The following MROH2B variants were observed in gnomAD, a reference collection of about 807,000 sequenced individuals.
MROH2B encodes the protein maestro heat like repeat family member 2B.
Under a neutral mutation model 208.6 loss-of-function variants are expected in MROH2B, and 177 were observed. The observed-to-expected ratio is 0.85, with a 90% CI of 0.75 to 0.96. MROH2B has a LOEUF of 0.96. Among genes scored for constraint, MROH2B ranks in the 40% least tolerant of loss-of-function variants. The probability of loss-of-function intolerance (pLI) is 0.00; values close to 1 mark genes in which losing one functional copy is unlikely to be tolerated. For missense variants in MROH2B, 2,002 were observed against 1,878.7 expected, an observed-to-expected ratio of 1.07 and a Z score of -1.21; for synonymous variants, 728 against 659.0, an observed-to-expected ratio of 1.10 and a Z score of -1.60.
At chr5:41,016,082 C>T (rs565480865) in intron 28 of MROH2B, among the ~76,000 whole-genome samples, 10 of 152,302 alleles carry the variant, frequency 6.6e-5, no homozygotes, top group Admixed American at 6.5e-5. Flanking sequence ...CCCAGTGGGA[C>T]ACACGTGGAC....
chr5:41,055,251 A>T (rs1179237889), intron 10 of MROH2B, among the ~76,000 whole-genome samples: 1 of 152,212 alleles, frequency 6.6e-6, no homozygotes, highest in Non-Finnish European at 1.5e-5. Flanking sequence ...CACCAATTTT[A>T]TCATGCACCA....
intron 24 of MROH2B, among the ~76,000 whole-genome samples, chr5:41,031,131 T>C (rs1487300271): frequency 6.6e-6 from 1 of 152,020 alleles, no homozygotes; most frequent in Non-Finnish European, 1.5e-5. Context: ...CGAGACTAGG[T>C]AATTTATAAA....
intron 1 of MROH2B, among the ~76,000 whole-genome samples, chr5:41,069,977 G>T (rs1743935797): frequency 6.6e-6 from 1 of 152,144 alleles, no homozygotes; most frequent in South Asian, 2.1e-4. Context: ...AATCAAATGT[G>T]AAAGGGAAGA....
rs1741834494 is a variant in MROH2B, at chr5:41,013,352, TAGC to T, written c.2983-620_2983-618del. Among the ~76,000 whole-genome samples the T allele has an allele frequency of 4.6e-5, 7 of 152,300 alleles. No homozygotes were observed. In the South Asian group the frequency reaches 1.5e-3, roughly 32 times the overall value. On this transcript the variant is annotated intron_variant, in intron 29 of 41. Transcript: ENST00000399564. ...AGAAGTATACAGAATGCTTGGTCGA[TAGC>T]AGTGTGTGAATTTGAGTGTGTATGT...
intron 14 of MROH2B, 55 bp from the exon 15 acceptor site, chr5:41,049,196 G>A: frequency 6.2e-7 from 1 of 1,606,306 alleles, no homozygotes. Flanking sequence ...ATTGGGGTTG[G>A]GTTTAAGGTC....
intron 6 of MROH2B, among the ~76,000 whole-genome samples, chr5:41,059,627 T>C (rs892647165): frequency 1.6e-4 from 24 of 152,230 alleles, no homozygotes; most frequent in Admixed American, 1.6e-3. Context: ...TGGACACTTG[T>C]CAAGATTTTT....
chr5:41,064,581 A>G lies in MROH2B; in HGVS notation c.362-11T>C, dbSNP rs756102687. On this transcript the variant is annotated splice_polypyrimidine_tract_variant and intron_variant, in intron 4 of 41. Coordinates refer to ENST00000399564, the MANE Select transcript of MROH2B (RefSeq NM_173489.5). ...GAATACTCTGGGACACTGGAGGGAG[A>G]GGCAGAAAGGAGACAAGTGTTATTT... is the stretch of plus-strand genomic sequence containing the variant. 1 of 1,598,912 alleles carries G rather than the reference A, an allele frequency of 6.3e-7. No individual in the cohort carries two copies. Among genetic ancestry groups the G allele is most frequent in the African/African-American group, 1.3e-5 (1 of 74,674 alleles).
chr5:41,054,975 A>G, intron 10 of MROH2B, 135 bp from the exon 11 acceptor site: 1 of 512,180 alleles, frequency 2.0e-6, no homozygotes, highest in Non-Finnish European at 3.4e-6. Context: ...TTGTTTTTCA[A>G]TGCCCTCCCA....
At chr5:41,000,373 A>C in intron 38 of MROH2B, 22 bp from the exon 39 acceptor site, 2 of 1,612,402 alleles carry the variant, frequency 1.2e-6, no homozygotes, top group African/African-American at 1.3e-5. Flanking sequence ...AGTTTTCTGC[A>C]TCACAGTCCA....
chr5:41,039,658 G>T (rs745979774), intron 19 of MROH2B, 103 bp from the exon 20 acceptor site: 23 of 743,322 alleles, frequency 3.1e-5, no homozygotes, highest in Non-Finnish European at 4.3e-5. Flanking sequence ...AGGTGCTGGG[G>T]GTACAGTAGT....
chr5:41,049,636 G>T (rs192690232), intron 13 of MROH2B, among the ~76,000 whole-genome samples, 200 bp from the exon 14 acceptor site: 59 of 152,300 alleles, frequency 3.9e-4, no homozygotes, highest in South Asian at 1.0e-3. Context: ...GTGAGTGTTG[G>T]TCAGTATTTC....
chr5:41,065,597 A>G, intron 3 of MROH2B, 107 bp from the exon 4 acceptor site: 1 of 895,172 alleles, frequency 1.1e-6, no homozygotes, highest in Non-Finnish European at 1.6e-6. Flanking sequence ...ATTTATTTTT[A>G]AAATTATAGA....
intron 28 of MROH2B, among the ~76,000 whole-genome samples, 168 bp downstream of exon 28, chr5:41,017,678 GAGAC>G (rs1454280267): frequency 1.3e-5 from 2 of 151,814 alleles, no homozygotes; most frequent in East Asian, 1.9e-4. Context: ...AAGAGAGAGA[GAGAC>G]AGAGAGAGAT....
chr5:41,031,619 G>A (rs1474143666), intron 24 of MROH2B, among the ~76,000 whole-genome samples: 1 of 151,812 alleles, frequency 6.6e-6, no homozygotes, highest in African/African-American at 2.4e-5. Context: ...AGGTTCAGAC[G>A]GTACATGTGT....
chr5:41,038,627 TA>T, intron 21 of MROH2B, 108 bp downstream of exon 21: 2 of 1,122,328 alleles, frequency 1.8e-6, no homozygotes, highest in Non-Finnish European at 2.5e-6. Context: ...ACGTGGCTGA[TA>T]AAAACATACC....
chr5:41,015,633 G>A (rs1270150985), intron 28 of MROH2B, among the ~76,000 whole-genome samples, 155 bp from the exon 29 acceptor site: 1 of 152,150 alleles, frequency 6.6e-6, no homozygotes, highest in East Asian at 1.9e-4. Flanking sequence ...TACATGCTGG[G>A]CACCATGCAG....
In MROH2B at chr5:41,054,670, T is replaced by G. The variant is rs1425612835; in HGVS notation, c.1107+97A>C. The G allele has an allele frequency of 5.6e-6, 5 of 891,416 alleles. No homozygotes were observed. The Admixed American group carries it at 1.4e-4, about 25-fold the overall frequency. 55.2% of individuals were successfully genotyped at this position (891,416 alleles called of 1,614,324 possible). Reference sequence around the variant, plus strand: ...AAAATGGAATTGACCACAGAGTTCTTTATAAAATAGTCTCATAAGTAGATC... The same window carrying G: ...AAAATGGAATTGACCACAGAGTTCTGTATAAAATAGTCTCATAAGTAGATC... On this transcript the variant is annotated intron_variant, in intron 11 of 41. Coordinates refer to ENST00000399564, the MANE Select transcript of MROH2B (RefSeq NM_173489.5).
chr5:41,064,634 T>G, intron 4 of MROH2B, 64 bp from the exon 5 acceptor site: 2 of 1,239,394 alleles, frequency 1.6e-6, no homozygotes, highest in South Asian at 2.6e-5. Context: ...GTTCTGTGAC[T>G]CCAAATCAAC....
At chr5:41,002,457 T>C (rs541273797) in intron 37 of MROH2B, among the ~76,000 whole-genome samples, 5 of 152,334 alleles carry the variant, frequency 3.3e-5, no homozygotes, top group Non-Finnish European at 7.3e-5. Flanking sequence ...AGTGTCACCA[T>C]GTTTTGAAAA....
Sources: gnomAD v4.1 joint callset for allele counts (sites outside exome capture counted in the v4.1 genomes callset) on GRCh38, gnomAD v4.1.1 for gene constraint, MANE v1.5 for transcripts, NCBI Gene and HGNC (gene_info 2026-07-23, HGNC 2026-07-21) for gene names.